KCNK10: variants seen among roughly 807,000 people sequenced by gnomAD.
KCNK10 encodes potassium two pore domain channel subfamily K member 10, also known as potassium channel subfamily K member 10.
A neutral mutation model predicts 47.7 loss-of-function variants in KCNK10; 25 were observed. The observed-to-expected ratio is 0.52, with a 90% CI of 0.38 to 0.73. The LOEUF is 0.73. KCNK10 is among the 30% of genes least tolerant of loss of function. KCNK10 has a pLI of 0.00. For synonymous variants in KCNK10, 303 were observed against 285.6 expected (o/e 1.06, Z -0.61); for missense variants, 563 against 714.5 (o/e 0.79, Z 2.42).
chr14:88,232,589 G>A (rs1210674653), intron 3 of KCNK10, among the ~76,000 whole-genome samples: 4 of 152,128 alleles, frequency 2.6e-5, no homozygotes, highest in Non-Finnish European at 5.9e-5. Flanking sequence ...CTCCACTCTG[G>A]AGTTAAAATT....
chr14:88,274,236 C>T (rs1483392827), intron 1 of KCNK10, among the ~76,000 whole-genome samples: 1 of 152,000 alleles, frequency 6.6e-6, no homozygotes, highest in Admixed American at 6.6e-5. Flanking sequence ...CCCTTCCCAG[C>T]AAACTCCTTC....
rs149484691 is a variant in KCNK10 at position 88,275,635 on chromosome 14, G to A, written c.53-12084C>T. ...AGGCCGAGGCAGGGGATCACCTGAG[G>A]TCAGGAGTTTGAGACCAGCCTGGCC... On this transcript the variant is annotated intron_variant, in intron 1 of 6. Coordinates refer to ENST00000319231, the MANE Select transcript of KCNK10 (RefSeq NM_138317.3). Among the ~76,000 whole-genome samples the A allele has an allele frequency of 5.3e-4, 79 of 148,674 alleles. No individual in the cohort carries two copies. The East Asian group carries it at 0.014, about 27-fold the overall frequency.
At chr14:88,299,028 C>T (rs1005144954) in intron 1 of KCNK10, among the ~76,000 whole-genome samples, 1 of 152,174 alleles carries the variant, frequency 6.6e-6, no homozygotes, top group African/African-American at 2.4e-5. Flanking sequence ...AGGAAGCCTT[C>T]CCTGGTCCCC....
Position 88,249,561 on chromosome 14 carries a change from G to T in KCNK10, c.403-8741C>A, listed in dbSNP as rs73328049. On this transcript the variant is annotated intron_variant, in intron 2 of 6. Transcript: ENST00000319231. ...CCAATCTAGTAACCAATAGCTACTGGGCTGTAACTATCCACTAGAGTAGAG... is the reference window on the plus strand; with the variant it reads ...CCAATCTAGTAACCAATAGCTACTGTGCTGTAACTATCCACTAGAGTAGAG... Among the ~76,000 whole-genome samples, 1,059 of 152,190 alleles carry T rather than the reference G, an allele frequency of 7.0e-3. 20 individuals are homozygous for T. The highest frequency in any genetic ancestry group is 0.024 in the African/African-American group (979 of 41,518).
intron 1 of KCNK10, among the ~76,000 whole-genome samples, chr14:88,297,070 A>G (rs1888000310): frequency 6.6e-6 from 1 of 152,238 alleles, no homozygotes; most frequent in Admixed American, 6.5e-5. Context: ...GGAGAAACAT[A>G]CAAAGTACAA....
intron 1 of KCNK10, among the ~76,000 whole-genome samples, chr14:88,315,805 G>C (rs867222683): frequency 6.6e-6 from 1 of 152,108 alleles, no homozygotes; most frequent in Non-Finnish European, 1.5e-5. Flanking sequence ...GGGTAGTTGA[G>C]TAAGGGAGAA....
chr14:88,188,708 T>C (rs1342012465), intron 5 of KCNK10, among the ~76,000 whole-genome samples: 1 of 152,182 alleles, frequency 6.6e-6, no homozygotes, highest in Non-Finnish European at 1.5e-5. Flanking sequence ...GCTGAGTAAT[T>C]AGAGTCACCA....
chr14:88,188,209 T>A, intron 5 of KCNK10, 100 bp from the exon 6 acceptor site: 1 of 1,373,764 alleles, frequency 7.3e-7, no homozygotes, highest in Non-Finnish European at 1.0e-6. Flanking sequence ...TCCATCATTG[T>A]TTAACACTCA....
At chr14:88,241,801 G>A (rs980184615) in intron 2 of KCNK10, among the ~76,000 whole-genome samples, 4 of 152,072 alleles carry the variant, frequency 2.6e-5, no homozygotes, top group Admixed American at 1.3e-4. Context: ...CCCCTTCCCC[G>A]AGTTCATACT....
intron 2 of KCNK10, among the ~76,000 whole-genome samples, chr14:88,259,536 A>G (rs142241541): frequency 5.9e-5 from 9 of 152,198 alleles, no homozygotes. Flanking sequence ...GGCTCACTGC[A>G]GCCTTGACTT....
chr14:88,272,441 G>A (rs369677380), intron 1 of KCNK10, among the ~76,000 whole-genome samples: 7 of 152,200 alleles, frequency 4.6e-5, no homozygotes, highest in African/African-American at 9.6e-5. Flanking sequence ...AGGTGTCTGC[G>A]AGAGGGCAGA....
intron 1 of KCNK10, among the ~76,000 whole-genome samples, chr14:88,302,148 G>C (rs574446797): frequency 6.6e-6 from 1 of 152,146 alleles, no homozygotes. Flanking sequence ...CAACATGCCC[G>C]TACTTTAAGC....
chr14:88,246,991 A>G (rs528825986), intron 2 of KCNK10, among the ~76,000 whole-genome samples: 71 of 152,314 alleles, frequency 4.7e-4, no homozygotes, highest in Non-Finnish European at 9.1e-4. Flanking sequence ...GACCTAGTAC[A>G]GTGGGCAACA....
At chr14:88,285,508 T>C (rs966955080) in intron 1 of KCNK10, among the ~76,000 whole-genome samples, 1 of 152,200 alleles carries the variant, frequency 6.6e-6, no homozygotes, top group African/African-American at 2.4e-5. Context: ...TGTCTTCACC[T>C]TTTAGCATGC....
At chr14:88,235,151 C>T in intron 3 of KCNK10, 2 of 456,646 alleles carry the variant, frequency 4.4e-6, no homozygotes, top group Admixed American at 4.7e-5. Context: ...CAGAAACACT[C>T]TGTCACAGAA....
chr14:88,254,178 C>T (rs1310283556), intron 2 of KCNK10, among the ~76,000 whole-genome samples: 1 of 152,116 alleles, frequency 6.6e-6, no homozygotes, highest in Non-Finnish European at 1.5e-5. Flanking sequence ...TTGCTGGAGG[C>T]AAGGACTGAA....
chr14:88,217,816 C>A (rs910649290), intron 4 of KCNK10, among the ~76,000 whole-genome samples: 1 of 151,898 alleles, frequency 6.6e-6, no homozygotes, highest in Admixed American at 6.6e-5. Flanking sequence ...TCTGCCTCCC[C>A]GGTTCAAGTG....
intron 1 of KCNK10, among the ~76,000 whole-genome samples, chr14:88,292,516 A>AT (rs1204420026): frequency 6.6e-6 from 1 of 151,678 alleles, no homozygotes; most frequent in Non-Finnish European, 1.5e-5. Context: ...TGCCCAGCCA[A>AT]TTTTTTGTAT....
At chr14:88,228,375 G>T (rs1165319773) in intron 3 of KCNK10, among the ~76,000 whole-genome samples, 1 of 152,148 alleles carries the variant, frequency 6.6e-6, no homozygotes, top group Non-Finnish European at 1.5e-5. Flanking sequence ...AATGAGTACT[G>T]GGCTTACCCT....
Sources: allele counts gnomAD v4.1 joint callset (sites outside exome capture counted in the v4.1 genomes callset), GRCh38; gene constraint gnomAD v4.1.1; transcripts MANE v1.5; gene names NCBI Gene and HGNC (gene_info 2026-07-23, HGNC 2026-07-21).